TRMT44: variants seen among roughly 807,000 people sequenced by gnomAD.
TRMT44 encodes probable tRNA (uracil-O(2)-)-methyltransferase.
Under a neutral mutation model 77.3 loss-of-function variants are expected in TRMT44, and 78 were observed. The observed-to-expected ratio is 1.01, with a 90% CI of 0.84 to 1.22. The LOEUF is 1.22. Among genes scored for constraint, TRMT44 ranks in the 50% most tolerant of loss-of-function variants. The pLI is 0.00. For synonymous variants in TRMT44, 391 were observed against 383.3 expected (o/e 1.02, Z -0.23); for missense variants, 1,090 against 964.4 (o/e 1.13, Z -1.73).
rs751817339 is a variant in TRMT44 at position 8,452,931 on chromosome 4, C to T, written c.1073C>T (p.Ser358Phe). Reference sequence around the variant, plus strand: ...GAGAGGAGACTAACTGCCAGGCAGTCCTTTGTGGACCTGGGATGTGGAAAT... The same window carrying T: ...GAGAGGAGACTAACTGCCAGGCAGTTCTTTGTGGACCTGGGATGTGGAAAT... Reference protein sequence around the residue: ...RAERRLTARQSFVDLGCGNGL... With the variant: ...RAERRLTARQFFVDLGCGNGL... The change falls in exon 5 of 11, where the codon TCC becomes TTC. Residue 358 changes from serine (S) to phenylalanine (F), a missense_variant. By Grantham distance (155) the Ser-to-Phe change is radical (BLOSUM62 -2). Coordinates refer to ENST00000389737, the MANE Select transcript of TRMT44 (RefSeq NM_152544.3). The surrounding 1 kb of genome is among the most constrained non-coding windows in gnomAD (Gnocchi z 5.7). The T allele has an allele frequency of 1.2e-4, 191 of 1,533,322 alleles. No homozygotes were observed. The highest frequency in any genetic ancestry group is 1.5e-4 in the Non-Finnish European group (172 of 1,145,720). The allele number at this position is 1,533,322 out of a possible 1,614,324, so 95.0% of individuals were successfully genotyped here. A position where few individuals can be genotyped will look rare whatever the true frequency, so the allele number is the denominator to read the frequency against.
chr4:8,464,655 G>A (rs1464050308), intron 7 of TRMT44, among the ~76,000 whole-genome samples: 1 of 152,178 alleles, frequency 6.6e-6, no homozygotes, highest in Non-Finnish European at 1.5e-5. Context: ...TCAGGTCTTC[G>A]CTCAGGCTTC....
At position 8,444,308 on chromosome 4, in the gene TRMT44, A is replaced by T. The variant is rs1254886801; in HGVS notation, c.620-2168A>T. ...AGTGGAGGGTTGGGGGAGAGGTGGG[A>T]TGGTTAAAGTGTACAAAAAAAATAG... On this transcript the variant is annotated intron_variant, in intron 1 of 10. Transcript: ENST00000389737. This position sits in a 1 kb window ranked among gnomAD's most constrained non-coding sequence, Gnocchi z 4.0. Among the ~76,000 whole-genome samples, 2 of 151,954 alleles carry T rather than the reference A, an allele frequency of 1.3e-5. No individual in the cohort carries two copies. Among genetic ancestry groups the T allele is most frequent in the Non-Finnish European group, 2.9e-5 (2 of 67,984 alleles).
At chr4:8,476,714 C>T (rs1443197895), downstream of TRMT44, 1 of 152,174 alleles carries the variant, frequency 6.6e-6, no homozygotes, top group Non-Finnish European at 1.5e-5. Flanking sequence ...CCTTTTTAGT[C>T]CTTCCAGAAA....
At chr4:8,470,366 T>C (rs1726902465) in intron 9 of TRMT44, among the ~76,000 whole-genome samples, 1 of 152,212 alleles carries the variant, frequency 6.6e-6, no homozygotes, top group Non-Finnish European at 1.5e-5. Flanking sequence ...TCCGCTCTCC[T>C]GCAGCTTGGG....
At chr4:8,488,223 C>T (rs529304314) in intron 2 of TRMT44, among the ~76,000 whole-genome samples, 1 of 152,272 alleles carries the variant, frequency 6.6e-6, no homozygotes, top group African/African-American at 2.4e-5. Context: ...GATTGATTTC[C>T]TAAGGGAGGT....
intron 2 of TRMT44, among the ~76,000 whole-genome samples, chr4:8,482,672 A>T (rs577487522): frequency 2.0e-5 from 3 of 152,278 alleles, no homozygotes; most frequent in Non-Finnish European, 4.4e-5. Context: ...TAATGTCATC[A>T]CTTAAGGCAA....
At position 8,475,934 on chromosome 4, in the gene TRMT44, G is replaced by C. The variant is rs1727352708; in HGVS notation, c.2207G>C (p.Cys736Ser). The C allele has an allele frequency of 3.1e-6, 5 of 1,614,054 alleles. No individual in the cohort carries two copies. The highest frequency in any genetic ancestry group is 4.2e-6 in the Non-Finnish European group (5 of 1,180,048). The change falls in exon 11 of 11, where the codon TGC becomes TCC. Residue 736 changes from cysteine (C) to serine (S), a missense_variant. By Grantham distance (112) the Cys-to-Ser change is moderately radical (BLOSUM62 -1). Coordinates refer to ENST00000389737, the MANE Select transcript of TRMT44 (RefSeq NM_152544.3). ...PDGCALSTDC[C>S]PFAHGPAELR... ...GGCTGCGCTCTGTCCACGGACTGCT[G>C]CCCGTTTGCCCATGGGCCTGCGGAG...
At chr4:8,470,041 G>T (rs765552999) in intron 9 of TRMT44, among the ~76,000 whole-genome samples, 4 of 152,272 alleles carry the variant, frequency 2.6e-5, no homozygotes, top group Non-Finnish European at 5.9e-5. Flanking sequence ...CAAGAGGCCG[G>T]ATATGCCAGG....
the TRMT44 span, among the ~76,000 whole-genome samples, chr4:8,513,782 G>A: frequency 6.6e-6 from 1 of 152,190 alleles, no homozygotes; most frequent in Non-Finnish European, 1.5e-5. Flanking sequence ...ATGGAAAGGT[G>A]TCTCATCTTG....
At chr4:8,459,183 C>T (rs73089515) in intron 6 of TRMT44, among the ~76,000 whole-genome samples, 3,827 of 152,252 alleles carry the variant, frequency 0.025, 157 homozygotes, top group African/African-American at 0.086. Context: ...GCCTGGGCGA[C>T]GCAAGTGAGA....
chr4:8,488,651 G>A (rs1392110881), intron 2 of TRMT44, among the ~76,000 whole-genome samples: 1 of 152,220 alleles, frequency 6.6e-6, no homozygotes, highest in Non-Finnish European at 1.5e-5. Flanking sequence ...GGCCATCTGG[G>A]CATACACGTG....
At chr4:8,447,114 G>A (rs1472796135) in intron 2 of TRMT44, among the ~76,000 whole-genome samples, 1 of 152,176 alleles carries the variant, frequency 6.6e-6, no homozygotes, top group African/African-American at 2.4e-5. Flanking sequence ...GACCTCAGGT[G>A]ATCCACCTGC....
At chr4:8,471,733 C>T (rs760771139) in intron 10 of TRMT44, among the ~76,000 whole-genome samples, 31 of 152,246 alleles carry the variant, frequency 2.0e-4, no homozygotes, top group Admixed American at 7.8e-4. Context: ...CCTGTGACTC[C>T]AGGACTGCCA....
At chr4:8,495,679 C>T (rs1008155833), downstream of TRMT44, among the ~76,000 whole-genome samples, 10 of 152,292 alleles carry the variant, frequency 6.6e-5, no homozygotes, top group Non-Finnish European at 8.8e-5. Context: ...AGGCAGCACC[C>T]GTGTCTCAGC....
chr4:8,497,290 C>T (rs1205718458), downstream of TRMT44, among the ~76,000 whole-genome samples: 1 of 152,244 alleles, frequency 6.6e-6, no homozygotes, highest in East Asian at 1.9e-4. Flanking sequence ...AGCTGCAAGT[C>T]CACAAGCTAT....
intron 5 of TRMT44, among the ~76,000 whole-genome samples, chr4:8,453,986 G>A (rs1725628020): frequency 6.6e-6 from 1 of 152,180 alleles, no homozygotes; most frequent in Admixed American, 6.5e-5. Context: ...GCTGGTTGTG[G>A]GGGTGGTAGT....
At chr4:8,487,346 A>G (rs1275048854) in intron 2 of TRMT44, among the ~76,000 whole-genome samples, 1 of 152,030 alleles carries the variant, frequency 6.6e-6, no homozygotes, top group Non-Finnish European at 1.5e-5. Context: ...AAGCCCAGAG[A>G]AAAGAGAGAG....
In TRMT44 at chr4:8,450,625, G is replaced by A. The variant is rs1357172980; in HGVS notation, c.954+737G>A. 2.6e-5 allele frequency among the ~76,000 whole-genome samples: 4 copies of A among 152,138 alleles called. No homozygotes were observed. The South Asian group carries it at 6.2e-4, about 24-fold the overall frequency. On this transcript the variant is annotated intron_variant, in intron 3 of 10. Coordinates refer to ENST00000389737, the MANE Select transcript of TRMT44 (RefSeq NM_152544.3). Reference sequence around the variant, plus strand: ...GTATAACAAGAAACATCTGTGTTGCGGGAAGTCAGGGACCCCGAATTGGGG... The same window carrying A: ...GTATAACAAGAAACATCTGTGTTGCAGGAAGTCAGGGACCCCGAATTGGGG...
At position 8,471,091 on chromosome 4, in the gene TRMT44, A is replaced by G. The variant is rs533799281; in HGVS notation, c.1935A>G (p.Leu645=). 1.3e-6 allele frequency: 2 copies of G among 1,594,344 alleles called. No homozygotes were observed. The highest frequency in any genetic ancestry group is 1.7e-6 in the Non-Finnish European group (2 of 1,173,088). The change falls in exon 10 of 11, where the codon CTA becomes CTG. Residue 645 remains leucine, a synonymous_variant. Coordinates refer to ENST00000389737, the MANE Select transcript of TRMT44 (RefSeq NM_152544.3). ...SLKTWNGGES[L]SLAEVANELD... Reference sequence around the variant, plus strand: ...AAACCCGTTTTTCCACAGAGAGCCTATCTCTGGCAGAAGTAGCCAACGAGC... The same window carrying G: ...AAACCCGTTTTTCCACAGAGAGCCTGTCTCTGGCAGAAGTAGCCAACGAGC...
Sources: allele counts gnomAD v4.1 joint callset (sites outside exome capture counted in the v4.1 genomes callset), GRCh38; gene constraint gnomAD v4.1.1; non-coding constraint Gnocchi (gnomAD v3.1); transcripts MANE v1.5; gene names NCBI Gene and HGNC (gene_info 2026-07-23, HGNC 2026-07-21).